Variants in GPR141 observed in about 807,000 individuals in gnomAD.
GPR141 encodes G protein-coupled receptor 141, also known as probable G protein-coupled receptor 141.
GPR141 carries 6 observed loss-of-function variants against 6.8 expected under a neutral mutation model. The ratio of observed to expected loss-of-function variants is 0.88; its 90% CI spans 0.48 to 1.74. The LOEUF is 1.74. Ranked by LOEUF, GPR141 falls within the 40% of genes most tolerant of loss-of-function variation. GPR141 has a pLI of 0.01. For missense variants in GPR141, 372 were observed against 372.9 expected (o/e 1.00, Z 0.02); for synonymous variants, 140 against 142.3 (o/e 0.98, Z 0.11).
chr7:37,721,137 C>T (rs1811306070), intron 2 of GPR141, among the ~76,000 whole-genome samples: 2 of 149,172 alleles, frequency 1.3e-5, no homozygotes, highest in Admixed American at 7.6e-5. Context: ...TGATGTGCTG[C>T]AGAACATTTA....
At chr7:37,713,351 T>G (rs1810897407) in intron 2 of GPR141, 1 of 152,198 alleles carries the variant, frequency 6.6e-6, no homozygotes, top group Admixed American at 6.5e-5. Context: ...GAGATCTCAT[T>G]ATGTTACCCA....
Position 37,714,256 on chromosome 7 carries a change from ACT to A in GPR141, c.-14-26121_-14-26120del, listed in dbSNP as rs139990966. Among the ~76,000 whole-genome samples the A allele has an allele frequency of 7.4e-3, 1,118 of 151,838 alleles. 13 individuals are homozygous for A. Among genetic ancestry groups the A allele is most frequent in the African/African-American group, 0.025 (1,051 of 41,302 alleles). On this transcript the variant is annotated intron_variant, in intron 2 of 2. Transcript: ENST00000334425. ...GAGATTTACAGGGACTGGGATGCAG[ACT>A]CTGTATATTTTTCTCTTCTCTTATT...
chr7:37,723,587 A>T (rs1811460046), intron 2 of GPR141, among the ~76,000 whole-genome samples: 1 of 152,180 alleles, frequency 6.6e-6, no homozygotes, highest in African/African-American at 2.4e-5. Context: ...TTCTTGCTCT[A>T]TCACATTTTA....
At chr7:37,712,064 C>T (rs1437620196) in intron 2 of GPR141, among the ~76,000 whole-genome samples, 1 of 152,166 alleles carries the variant, frequency 6.6e-6, no homozygotes, top group African/African-American at 2.4e-5. Flanking sequence ...CTTTGTAACT[C>T]TCCCTGGGTA....
chr7:37,684,991 T>G (rs995138867), intron 1 of GPR141, among the ~76,000 whole-genome samples: 2 of 152,198 alleles, frequency 1.3e-5, no homozygotes, highest in African/African-American at 4.8e-5. Flanking sequence ...TGGCAAACTT[T>G]TTCTACAAAA....
In GPR141 at chr7:37,741,420, A is replaced by G. The variant is rs529590512; in HGVS notation, c.*109A>G. The G allele has an allele frequency of 2.5e-6, 2 of 804,572 alleles. No homozygotes were observed. The highest frequency in any genetic ancestry group is 3.9e-6 in the Non-Finnish European group (2 of 515,494). 49.8% of individuals were successfully genotyped at this position (804,572 alleles called of 1,614,324 possible). Reference sequence around the variant, plus strand: ...CTTGATCAAAACCATGCCTTGATGTACCCAAAACAAAAGGACTATAAAATG... The same window carrying G: ...CTTGATCAAAACCATGCCTTGATGTGCCCAAAACAAAAGGACTATAAAATG... On this transcript the variant is annotated 3_prime_UTR_variant, in exon 3 of 3. Transcript: ENST00000334425.
chr7:37,729,245 A>T (rs1427756271), intron 2 of GPR141, among the ~76,000 whole-genome samples: 1 of 152,182 alleles, frequency 6.6e-6, no homozygotes, highest in Non-Finnish European at 1.5e-5. Context: ...GGCAGGGGAA[A>T]ATCAGAGTTT....
chr7:37,707,299 A>G (rs1022638969), intron 2 of GPR141, among the ~76,000 whole-genome samples: 1 of 152,178 alleles, frequency 6.6e-6, no homozygotes, highest in African/African-American at 2.4e-5. Context: ...CATTTTATCA[A>G]TGTAGGCTTA....
At chr7:37,694,685 G>A (rs1353410209) in intron 2 of GPR141, among the ~76,000 whole-genome samples, 1 of 152,176 alleles carries the variant, frequency 6.6e-6, no homozygotes, top group Non-Finnish European at 1.5e-5. Context: ...CAAGAGAGAT[G>A]GGGAAAGTGC....
chr7:37,710,398 T>C (rs1158890955), intron 2 of GPR141, among the ~76,000 whole-genome samples: 1 of 152,190 alleles, frequency 6.6e-6, no homozygotes, highest in Non-Finnish European at 1.5e-5. Flanking sequence ...TGCAGCTACA[T>C]AATTTTGAAG....
At chr7:37,716,851 A>G (rs1189364066) in intron 2 of GPR141, among the ~76,000 whole-genome samples, 1 of 152,244 alleles carries the variant, frequency 6.6e-6, no homozygotes, top group Admixed American at 6.5e-5. Context: ...GACACAAAAT[A>G]CCTGAGCTTT....
At position 37,740,645 on chromosome 7, in the gene GPR141, G is replaced by A; in HGVS notation, c.252G>A (p.Gly84=). ...TYLIKKTWMF[G]LPFCKFVSAM... is the part of the protein sequence containing the mutation. Reference sequence around the variant, plus strand: ...TCATCAAGAAGACTTGGATGTTTGGGCTGCCCTTCTGCAAATTTGTGAGTG... The same window carrying A: ...TCATCAAGAAGACTTGGATGTTTGGACTGCCCTTCTGCAAATTTGTGAGTG... The change falls in exon 3 of 3, where the codon GGG becomes GGA. Residue 84 remains glycine, a synonymous_variant. Coordinates refer to ENST00000334425, the MANE Select transcript of GPR141 (RefSeq NM_001381946.1). 8 of 1,614,042 alleles carry A rather than the reference G, an allele frequency of 5.0e-6. No individual in the cohort carries two copies. Among genetic ancestry groups the A allele is most frequent in the Non-Finnish European group, 6.8e-6 (8 of 1,179,974 alleles).
rs559330881 is a variant in GPR141, at chr7:37,734,404, A to G, written c.-14-5976A>G. ...CGCATTGTTCTCTTAGCTACATGTT[A>G]TGAATATTTAATTACTCTTCCACTT... is the stretch of plus-strand genomic sequence containing the variant. On this transcript the variant is annotated intron_variant, in intron 2 of 2. Transcript: ENST00000334425. Among the ~76,000 whole-genome samples the G allele has an allele frequency of 2.6e-5, 4 of 152,360 alleles. No homozygotes were observed. The South Asian group carries it at 8.3e-4, about 32-fold the overall frequency.
At chr7:37,708,091 G>A (rs1450262665) in intron 2 of GPR141, among the ~76,000 whole-genome samples, 9 of 152,068 alleles carry the variant, frequency 5.9e-5, no homozygotes, top group Admixed American at 5.9e-4. Context: ...CCTCTCAGAT[G>A]CTTTGGATAT....
At chr7:37,699,492 C>T (rs555224776) in intron 2 of GPR141, among the ~76,000 whole-genome samples, 93 of 152,258 alleles carry the variant, frequency 6.1e-4, no homozygotes, top group African/African-American at 2.1e-3. Flanking sequence ...ACCCAAGAGG[C>T]GGAGCTTGCA....
At chr7:37,735,974 C>T (rs1010357885) in intron 2 of GPR141, among the ~76,000 whole-genome samples, 7 of 152,032 alleles carry the variant, frequency 4.6e-5, no homozygotes, top group Non-Finnish European at 1.0e-4. Context: ...AAGAATATAT[C>T]CAGGCCGGGC....
At chr7:37,704,636 A>G (rs1400520130) in intron 2 of GPR141, among the ~76,000 whole-genome samples, 1 of 152,072 alleles carries the variant, frequency 6.6e-6, no homozygotes, top group Non-Finnish European at 1.5e-5. Flanking sequence ...ACACAGCTAA[A>G]TCATATCAGT....
At chr7:37,714,868 C>G (rs1176680602) in intron 2 of GPR141, among the ~76,000 whole-genome samples, 3 of 152,174 alleles carry the variant, frequency 2.0e-5, no homozygotes, top group African/African-American at 4.8e-5. Flanking sequence ...ATCTGTGTCT[C>G]AAGCATTAGG....
chr7:37,733,772 C>T (rs545652868), intron 2 of GPR141, among the ~76,000 whole-genome samples: 2 of 152,222 alleles, frequency 1.3e-5, no homozygotes, highest in South Asian at 4.2e-4. Flanking sequence ...TTGCTAGACC[C>T]CTCAGAAAAA....
Sources: allele counts gnomAD v4.1 joint callset (sites outside exome capture counted in the v4.1 genomes callset), GRCh38; gene constraint gnomAD v4.1.1; transcripts MANE v1.5; gene names NCBI Gene and HGNC (gene_info 2026-07-23, HGNC 2026-07-21).